SHB: variants seen among roughly 807,000 people sequenced by gnomAD.
SHB encodes SH2 domain-containing adapter protein B.
SHB carries 20 observed loss-of-function variants against 52.3 expected under a neutral mutation model. The observed-to-expected ratio is 0.38, with a 90% CI of 0.27 to 0.56. The LOEUF (loss-of-function observed/expected upper bound fraction) is 0.56. SHB is among the 20% of genes least tolerant of loss of function. The probability of loss-of-function intolerance (pLI) is 0.71; values close to 1 mark genes in which losing one functional copy is unlikely to be tolerated. For missense variants in SHB, 825 were observed against 723.3 expected (o/e 1.14, Z -1.61); for synonymous variants, 397 against 316.5 (o/e 1.25, Z -2.70).
chr9:38,037,215 A>G (rs1372186699), intron 1 of SHB, among the ~76,000 whole-genome samples: 1 of 152,202 alleles, frequency 6.6e-6, no homozygotes, highest in Non-Finnish European at 1.5e-5. Context: ...GGAGAAAGAG[A>G]TGGCACACAG....
At position 37,956,075 on chromosome 9, in the gene SHB, T is replaced by C. The variant is rs1489268984; in HGVS notation, c.1055-21A>G. ...CTGTGCTGTGGGGAGAGAGAGAAAG[T>C]GCAGGGTTAGCAGAGCTCAGCCCAG... is the stretch of plus-strand genomic sequence containing the variant. On this transcript the variant is annotated intron_variant, in intron 3 of 5. Transcript: ENST00000377707. 2.6e-6 allele frequency: 4 copies of C among 1,551,448 alleles called. No homozygotes were observed. In the East Asian group the frequency reaches 7.3e-5, roughly 28 times the overall value.
chr9:38,068,667 G>T lies in SHB; in HGVS notation c.-22C>A. 1.5e-6 allele frequency: 2 copies of T among 1,315,704 alleles called. No individual in the cohort carries two copies. The highest frequency in any genetic ancestry group is 1.9e-6 in the Non-Finnish European group (2 of 1,039,016). The allele number at this position is 1,315,704 out of a possible 1,614,324, so 81.5% of individuals were successfully genotyped here. On this transcript the variant is annotated 5_prime_UTR_variant, in exon 1 of 6. Transcript: ENST00000377707. ...CCATGGCGAGAGGCCGCCTAGGGCCGCGGCGCGGGAGCCCGGTCCGCCGCC... is the reference window on the plus strand; with the variant it reads ...CCATGGCGAGAGGCCGCCTAGGGCCTCGGCGCGGGAGCCCGGTCCGCCGCC...
At chr9:37,977,816 A>C (rs1820673355) in intron 2 of SHB, among the ~76,000 whole-genome samples, 1 of 152,102 alleles carries the variant, frequency 6.6e-6, no homozygotes, top group African/African-American at 2.4e-5. Flanking sequence ...GACCTGGGAA[A>C]ACCACCTTCC....
At position 38,068,302 on chromosome 9, in the gene SHB, C is replaced by T; in HGVS notation, c.344G>A (p.Cys115Tyr). ...CCCGCCTGGCTCCCCGCTGCCGCCG[C>T]AGTAGTCCAGGCGGCACATGGCGCG... ...KLRAMCRLDYCGGSGEPGGVQ... is the reference protein window; with the variant it reads ...KLRAMCRLDYYGGSGEPGGVQ... Residue 115 changes from cysteine to tyrosine, a missense_variant, in exon 1 of 6, where the codon TGC becomes TAC. Transcript: ENST00000377707. 6.7e-7 allele frequency: 1 copy of T among 1,501,454 alleles called. No homozygotes were observed. Among genetic ancestry groups the T allele is most frequent in the South Asian group, 1.3e-5 (1 of 79,276 alleles). The allele number at this position is 1,501,454 out of a possible 1,614,324, so 93.0% of individuals were successfully genotyped here.
At chr9:38,050,586 A>G (rs530898553) in intron 1 of SHB, among the ~76,000 whole-genome samples, 2 of 152,208 alleles carry the variant, frequency 1.3e-5, no homozygotes, top group African/African-American at 2.4e-5. Context: ...TCACAGATCT[A>G]AAGTCCCTTC....
At chr9:38,015,682 C>T (rs1054708232) in intron 2 of SHB, among the ~76,000 whole-genome samples, 12 of 152,208 alleles carry the variant, frequency 7.9e-5, no homozygotes, top group Non-Finnish European at 1.8e-4. Context: ...GTCTCAAATG[C>T]TATCTTTCTT....
At chr9:37,955,089 C>CA (rs1198015335) in intron 4 of SHB, among the ~76,000 whole-genome samples, 4 of 152,274 alleles carry the variant, frequency 2.6e-5, no homozygotes, top group Admixed American at 6.5e-5. Flanking sequence ...ATCAAGCAGA[C>CA]ATGGAGCAAG....
At chr9:37,973,268 G>C (rs187594767) in intron 3 of SHB, among the ~76,000 whole-genome samples, 1 of 152,152 alleles carries the variant, frequency 6.6e-6, no homozygotes, top group East Asian at 1.9e-4. Flanking sequence ...TTGTTGCCCA[G>C]GCTGGAGTGC....
chr9:38,051,699 G>A (rs768147485), intron 1 of SHB, among the ~76,000 whole-genome samples: 3 of 152,122 alleles, frequency 2.0e-5, no homozygotes, highest in Non-Finnish European at 2.9e-5. Flanking sequence ...ACAGAAGCCC[G>A]GCAAGCAGGA....
intron 2 of SHB, among the ~76,000 whole-genome samples, chr9:37,981,886 GGGTGCAGTTTGT>G (rs1820731554): frequency 6.6e-6 from 1 of 152,086 alleles, no homozygotes; most frequent in Admixed American, 6.6e-5. Context: ...CATCTTCTGT[GGGTGCAGTTTGT>G]GGTGCCCCAA....
chr9:37,956,078 AG>A (rs1034943985), intron 3 of SHB, 24 bp from the exon 4 acceptor site: 35 of 1,549,714 alleles, frequency 2.3e-5, no homozygotes, highest in Non-Finnish European at 3.1e-5. Context: ...GAGAAAGTGC[AG>A]GGTTAGCAGA....
chr9:38,015,664 AG>A (rs1203065955), intron 2 of SHB, among the ~76,000 whole-genome samples: 3 of 152,186 alleles, frequency 2.0e-5, no homozygotes, highest in Non-Finnish European at 4.4e-5. Context: ...CTCTAAGTAA[AG>A]TTTTATGTCT....
chr9:38,055,939 G>C (rs956606370), intron 1 of SHB, among the ~76,000 whole-genome samples: 2 of 152,132 alleles, frequency 1.3e-5, no homozygotes, highest in African/African-American at 4.8e-5. Context: ...CACCACAGCA[G>C]GTTTGGCATT....
intron 2 of SHB, among the ~76,000 whole-genome samples, chr9:37,983,829 G>A (rs1268050348): frequency 6.6e-6 from 1 of 152,220 alleles, no homozygotes. Context: ...GTCAGGAAGG[G>A]CTGCATTACT....
intron 3 of SHB, among the ~76,000 whole-genome samples, chr9:37,963,632 G>A (rs1832717872): frequency 1.3e-5 from 2 of 152,166 alleles, no homozygotes; most frequent in South Asian, 4.1e-4. Context: ...GAGGGGGAAA[G>A]GTGGGTGAGA....
At chr9:38,034,713 T>C (rs536954772) in intron 1 of SHB, among the ~76,000 whole-genome samples, 23 of 152,368 alleles carry the variant, frequency 1.5e-4, no homozygotes, top group African/African-American at 3.1e-4. Flanking sequence ...GTTTGTTTTA[T>C]TGAGACGCAG....
At chr9:37,992,391 A>G (rs949321253) in intron 2 of SHB, among the ~76,000 whole-genome samples, 1 of 152,152 alleles carries the variant, frequency 6.6e-6, no homozygotes, top group African/African-American at 2.4e-5. Context: ...ACAAGAGCGA[A>G]ATTCCATCTC....
intron 5 of SHB, among the ~76,000 whole-genome samples, chr9:37,939,848 T>C (rs1023012693): frequency 6.6e-6 from 1 of 152,234 alleles, no homozygotes; most frequent in African/African-American, 2.4e-5. Flanking sequence ...TTCTTGAACA[T>C]ACTATCACAG....
chr9:37,984,015 T>G (rs1371782577), intron 2 of SHB, among the ~76,000 whole-genome samples: 1 of 152,186 alleles, frequency 6.6e-6, no homozygotes, highest in East Asian at 1.9e-4. Flanking sequence ...CTGGGGCAAG[T>G]TACCTCAGTT....
Sources: allele counts gnomAD v4.1 joint callset (sites outside exome capture counted in the v4.1 genomes callset), GRCh38; gene constraint gnomAD v4.1.1; transcripts MANE v1.5; gene names NCBI Gene and HGNC (gene_info 2026-07-23, HGNC 2026-07-21).